DRG1: variants seen among roughly 807,000 people sequenced by gnomAD.
The protein encoded by DRG1 is developmentally regulated GTP binding protein 1, also known as developmentally-regulated GTP-binding protein 1.
Under a neutral mutation model 38.8 loss-of-function variants are expected in DRG1, and 19 were observed. The ratio of observed to expected loss-of-function variants is 0.49; its 90% CI spans 0.34 to 0.72. The LOEUF is 0.72. DRG1 is among the 30% of genes least tolerant of loss of function. The pLI is 0.01. For synonymous variants in DRG1, 167 were observed against 157.5 expected (o/e 1.06, Z -0.45); for missense variants, 299 against 444.8 (o/e 0.67, Z 2.95).
intron 5 of DRG1, 58 bp downstream of exon 5, chr22:31,420,483 T>C: frequency 1.2e-6 from 2 of 1,601,270 alleles, no homozygotes; most frequent in African/African-American, 2.7e-5. Flanking sequence ...GGGGAGTGGA[T>C]TGGGGTGCAT....
chr22:31,426,793 GT>G lies in DRG1; in HGVS notation c.881+12del. ...GAAACTAGTGAGAATGTAAGTCTTT[GT>G]GGATAGGGTAATGTTGCTATAGGAA... On this transcript the variant is annotated intron_variant, in intron 7 of 8. Coordinates refer to ENST00000331457, the MANE Select transcript of DRG1 (RefSeq NM_004147.4). 6.2e-7 allele frequency: 1 copy of G among 1,613,226 alleles called. No individual in the cohort carries two copies. Among genetic ancestry groups the G allele is most frequent in the South Asian group, 1.1e-5 (1 of 90,860 alleles).
intron 6 of DRG1, 74 bp from the exon 7 acceptor site, chr22:31,426,541 G>T: frequency 7.3e-7 from 1 of 1,365,984 alleles, no homozygotes; most frequent in Non-Finnish European, 1.0e-6. Flanking sequence ...CTGGGTGAGG[G>T]TGTGCTGTTC....
chr22:31,401,939 T>C (rs2049963403), intron 2 of DRG1, among the ~76,000 whole-genome samples: 1 of 151,806 alleles, frequency 6.6e-6, no homozygotes, highest in Non-Finnish European at 1.5e-5. Context: ...TAATCCCAGC[T>C]ACTCAGGAGG....
intron 4 of DRG1, among the ~76,000 whole-genome samples, chr22:31,413,319 C>T (rs1219327023): frequency 6.6e-6 from 1 of 151,084 alleles, no homozygotes; most frequent in South Asian, 2.1e-4. Context: ...GGTCTTGAGC[C>T]CCTGGGCTCA....
Position 31,433,900 on chromosome 22 carries a change from C to T in DRG1, c.1033C>T (p.His345Tyr). 6.2e-7 allele frequency: 1 copy of T among 1,614,150 alleles called. No individual in the cohort carries two copies. The change falls in exon 9 of 9, where the codon CAC becomes TAC. Residue 345 changes from histidine (H) to tyrosine (Y), a missense_variant. Physicochemically the swap from His to Tyr is moderately conservative, Grantham distance 83. Around this residue, in one of 3 missense-constraint regions of DRG1, gnomAD observed 198 missense variants for 268.1 expected, o/e 0.74. Transcript: ENST00000331457. Reference sequence around the variant, plus strand: ...TCTGGTCTGGGGTCTCTCTGTGAAACACAATCCTCAGAAAGTGGGTAAAGA... The same window carrying T: ...TCTGGTCTGGGGTCTCTCTGTGAAATACAATCCTCAGAAAGTGGGTAAAGA... ...YALVWGLSVK[H>Y]NPQKVGKDHT... is the part of the protein sequence containing the mutation.
intron 4 of DRG1, among the ~76,000 whole-genome samples, chr22:31,416,604 A>C (rs1408554902): frequency 1.3e-5 from 2 of 151,948 alleles, no homozygotes; most frequent in Non-Finnish European, 2.9e-5. Context: ...AAAATACAAA[A>C]ATTAGCCAGG....
rs536826638 is a variant in DRG1 at position 31,405,683 on chromosome 22, G to T, written c.342+2479G>T. On this transcript the variant is annotated intron_variant, in intron 3 of 8. Coordinates refer to ENST00000331457, the MANE Select transcript of DRG1 (RefSeq NM_004147.4). ...CTGTTGGGCATGTGTGTGTGTGTGG[G>T]GGGGTTTATTTATTTTTTTATTTGA... Among the ~76,000 whole-genome samples the T allele has an allele frequency of 1.5e-4, 22 of 151,000 alleles. No individual in the cohort carries two copies. The East Asian group carries it at 2.8e-3, about 19-fold the overall frequency.
At chr22:31,424,682 T>C (rs1317135188) in intron 6 of DRG1, among the ~76,000 whole-genome samples, 9 of 150,970 alleles carry the variant, frequency 6.0e-5, no homozygotes, top group African/African-American at 1.9e-4. Context: ...GTATTTTTAG[T>C]AGAGATGGGG....
At chr22:31,424,513 T>TTG (rs2050096926) in intron 6 of DRG1, among the ~76,000 whole-genome samples, 3 of 109,028 alleles carry the variant, frequency 2.8e-5, no homozygotes, top group Non-Finnish European at 5.9e-5. Flanking sequence ...TTTTTTTTTT[T>TTG]GTGAGACAAG....
intron 4 of DRG1, among the ~76,000 whole-genome samples, chr22:31,419,274 G>C (rs2050062193): frequency 6.6e-6 from 1 of 151,968 alleles, no homozygotes; most frequent in Admixed American, 6.6e-5. Flanking sequence ...CTGCACTCCA[G>C]TCTAGGCAAT....
At chr22:31,432,708 A>G (rs2145873771) in intron 8 of DRG1, among the ~76,000 whole-genome samples, 1 of 151,634 alleles carries the variant, frequency 6.6e-6, no homozygotes, top group South Asian at 2.1e-4. Flanking sequence ...TACAGGTGTG[A>G]GCCACCACGC....
In DRG1 at chr22:31,426,256, A is replaced by C. The variant is rs368336208; in HGVS notation, c.714-359A>C. Among the ~76,000 whole-genome samples, 131 of 151,964 alleles carry C rather than the reference A, an allele frequency of 8.6e-4. No individual in the cohort carries two copies. In the East Asian group the frequency reaches 0.014, roughly 16 times the overall value. On this transcript the variant is annotated intron_variant, in intron 6 of 8. Coordinates refer to ENST00000331457, the MANE Select transcript of DRG1 (RefSeq NM_004147.4). Reference sequence around the variant, plus strand: ...TATATAAAATGGTATAGTACAGCTGACCCTCCGTGTCTGTGGGTTTTTGAT... The same window carrying C: ...TATATAAAATGGTATAGTACAGCTGCCCCTCCGTGTCTGTGGGTTTTTGAT...
intron 4 of DRG1, among the ~76,000 whole-genome samples, chr22:31,413,970 G>A (rs968388046): frequency 2.0e-5 from 3 of 151,900 alleles, no homozygotes; most frequent in African/African-American, 7.3e-5. Context: ...CAAACCTGAT[G>A]GCCAATTTAT....
chr22:31,426,332 G>A (rs1707620033), intron 6 of DRG1, among the ~76,000 whole-genome samples: 1 of 152,234 alleles, frequency 6.6e-6, no homozygotes, highest in African/African-American at 2.4e-5. Flanking sequence ...TGGAGGGCCA[G>A]CTGGGATTAG....
intron 4 of DRG1, among the ~76,000 whole-genome samples, chr22:31,416,102 A>C (rs2050043207): frequency 6.6e-6 from 1 of 152,150 alleles, no homozygotes; most frequent in Admixed American, 6.6e-5. Flanking sequence ...TGAGGCCAGG[A>C]GTTCCAGACT....
At chr22:31,404,830 G>GC (rs1423902351) in intron 3 of DRG1, among the ~76,000 whole-genome samples, 1 of 151,914 alleles carries the variant, frequency 6.6e-6, no homozygotes, top group African/African-American at 2.4e-5. Context: ...CACCATGTTT[G>GC]CCAGGCTGGT....
intron 6 of DRG1, 83 bp downstream of exon 6, chr22:31,423,493 A>G: frequency 7.0e-7 from 1 of 1,433,032 alleles, no homozygotes; most frequent in Non-Finnish European, 9.6e-7. Context: ...ATCTGGCAGA[A>G]GTTTATCTTA....
At chr22:31,417,330 C>A (rs1378705170) in intron 4 of DRG1, among the ~76,000 whole-genome samples, 1 of 151,658 alleles carries the variant, frequency 6.6e-6, no homozygotes, top group Non-Finnish European at 1.5e-5. Context: ...GAGATTGCAC[C>A]ACTGCACTCC....
intron 3 of DRG1, among the ~76,000 whole-genome samples, chr22:31,404,291 A>G (rs2049978102): frequency 6.7e-6 from 1 of 150,042 alleles, no homozygotes; most frequent in Non-Finnish European, 1.5e-5. Context: ...CCAGGCTAGA[A>G]TGCAGTGGTG....
Sources: gnomAD v4.1 joint callset for allele counts (sites outside exome capture counted in the v4.1 genomes callset) on GRCh38, gnomAD v4.1.1 for gene constraint, gnomAD v4.1.1 regional missense constraint, MANE v1.5 for transcripts, NCBI Gene and HGNC (gene_info 2026-07-23, HGNC 2026-07-21) for gene names.